LARS1: variants seen among roughly 807,000 people sequenced by gnomAD.
LARS1 encodes leucine--tRNA ligase, cytoplasmic.
Under a neutral mutation model 162.8 loss-of-function variants are expected in LARS1, and 100 were observed. That is an observed-to-expected ratio of 0.61 (90% CI 0.52 to 0.73). The LOEUF is 0.73. Ranked by LOEUF, LARS1 falls within the 30% of genes least tolerant of loss-of-function variation. The pLI is 0.00. For missense variants in LARS1, 1,258 were observed against 1,408.9 expected, an observed-to-expected ratio of 0.89 and a Z score of 1.71; for synonymous variants, 457 against 462.8, an observed-to-expected ratio of 0.99 and a Z score of 0.16.
chr5:146,171,648 T>G (rs985459887), intron 4 of LARS1, among the ~76,000 whole-genome samples: 1 of 152,230 alleles, frequency 6.6e-6, no homozygotes, highest in African/African-American at 2.4e-5. Flanking sequence ...AGTTATTACC[T>G]AACTGTAATA....
At chr5:146,167,210 A>G (rs1754050592) in intron 5 of LARS1, among the ~76,000 whole-genome samples, 1 of 152,220 alleles carries the variant, frequency 6.6e-6, no homozygotes, top group African/African-American at 2.4e-5. Context: ...AGAAAAGGAC[A>G]TTAGTGAAAA....
chr5:146,174,123 T>A (rs1225758318), intron 2 of LARS1, among the ~76,000 whole-genome samples: 1 of 123,010 alleles, frequency 8.1e-6, no homozygotes, highest in Non-Finnish European at 1.6e-5. Flanking sequence ...GAGACTATAT[T>A]ACAGCAATTT....
intron 15 of LARS1, among the ~76,000 whole-genome samples, chr5:146,147,055 G>A (rs1432495351): frequency 6.6e-6 from 1 of 151,926 alleles, no homozygotes; most frequent in Non-Finnish European, 1.5e-5. Context: ...CTTCTGTAGG[G>A]AAATCTAACA....
chr5:146,144,634 ACAGAGC>A lies in LARS1; in HGVS notation c.1573_1578del (p.Ala525_Leu526del), dbSNP rs1221337964. 6.2e-7 allele frequency: 1 copy of A among 1,614,086 alleles called. No homozygotes were observed. The highest frequency in any genetic ancestry group is 2.2e-5 in the East Asian group (1 of 44,872). On this transcript the variant is annotated inframe_deletion, in exon 16 of 32. Coordinates refer to ENST00000394434, the MANE Select transcript of LARS1 (RefSeq NM_020117.11). The stretch of plus-strand genomic sequence containing the variant: ...CTATAAGAGACTAACCACTGGTCAC[ACAGAGC>A]CACAACACATTCATCTGACGACCTG...
chr5:146,120,293 C>G, intron 31 of LARS1, 78 bp downstream of exon 31: 1 of 1,479,370 alleles, frequency 6.8e-7, no homozygotes, highest in South Asian at 1.2e-5. Context: ...AAGCCGGTTT[C>G]TTTTCTTTTT....
intron 31 of LARS1, among the ~76,000 whole-genome samples, chr5:146,118,063 T>C (rs549971757): frequency 1.3e-3 from 205 of 152,304 alleles, no homozygotes; most frequent in Admixed American, 2.7e-3. Context: ...GAGATATCTG[T>C]ACTCCCATGT....
In LARS1 at chr5:146,159,388, C is replaced by A. The variant is rs763169385; in HGVS notation, c.771+19G>T. ...ATTAAGGATTATTATAATAGCTACT[C>A]TGTCTCACAAATAATCACCTCTCCA... is the stretch of plus-strand genomic sequence containing the variant. On this transcript the variant is annotated intron_variant, in intron 8 of 31. Coordinates refer to ENST00000394434, the MANE Select transcript of LARS1 (RefSeq NM_020117.11). 13 of 1,583,354 alleles carry A rather than the reference C, an allele frequency of 8.2e-6. No homozygotes were observed. Among genetic ancestry groups the A allele is most frequent in the Non-Finnish European group, 1.1e-5 (13 of 1,153,246 alleles).
chr5:146,123,766 TAAG>T (rs1429661281), intron 29 of LARS1, among the ~76,000 whole-genome samples: 4 of 151,936 alleles, frequency 2.6e-5, no homozygotes, highest in African/African-American at 9.7e-5. Context: ...ATATGTAAAT[TAAG>T]AATTGATGAA....
At chr5:146,166,214 G>GC (rs1389086892) in intron 5 of LARS1, among the ~76,000 whole-genome samples, 1 of 152,024 alleles carries the variant, frequency 6.6e-6, no homozygotes, top group African/African-American at 2.4e-5. Context: ...TACAAGCCTG[G>GC]AACAGCTTGT....
intron 21 of LARS1, among the ~76,000 whole-genome samples, chr5:146,139,345 C>CAA (rs977056105): frequency 1.3e-5 from 1 of 79,344 alleles, no homozygotes; most frequent in African/African-American, 5.5e-5. Context: ...TCCATCACAA[C>CAA]AAAAAAAAAA....
chr5:146,152,885 A>G (rs1458065893), intron 13 of LARS1, among the ~76,000 whole-genome samples: 1 of 152,254 alleles, frequency 6.6e-6, no homozygotes, highest in Non-Finnish European at 1.5e-5. Context: ...TTTTATCTTT[A>G]GAAGCCAGGA....
chr5:146,119,020 T>C (rs1751693712), intron 31 of LARS1, among the ~76,000 whole-genome samples: 1 of 152,170 alleles, frequency 6.6e-6, no homozygotes, highest in South Asian at 2.1e-4. Flanking sequence ...TTTATGGGTA[T>C]AATGTTCAAG....
intron 5 of LARS1, 80 bp from the exon 6 acceptor site, chr5:146,164,551 T>TA: frequency 7.5e-7 from 1 of 1,338,704 alleles, no homozygotes; most frequent in Non-Finnish European, 1.1e-6. Context: ...TTAATGAATG[T>TA]AATTTTTTTA....
Position 146,153,191 on chromosome 5 carries a change from C to T in LARS1, c.1267G>A (p.Val423Ile), listed in dbSNP as rs748085630. The T allele has an allele frequency of 3.7e-6, 6 of 1,613,014 alleles. No homozygotes were observed. Among genetic ancestry groups the T allele is most frequent in the Non-Finnish European group, 5.1e-6 (6 of 1,179,438 alleles). Residue 423 changes from valine to isoleucine, a missense_variant, in exon 13 of 32, where the codon GTC (valine) becomes ATC (isoleucine). Coordinates refer to ENST00000394434, the MANE Select transcript of LARS1 (RefSeq NM_020117.11). ...RAKYGIRDDM[V>I]LPFEPVPVIE... Reference sequence around the variant, plus strand: ...GTACTCACCGGCTCAAATGGCAAGACCATGTCATCTCTAATTCCATATTTT... The same window carrying T: ...GTACTCACCGGCTCAAATGGCAAGATCATGTCATCTCTAATTCCATATTTT...
chr5:146,136,567 G>A (rs1051889961), intron 21 of LARS1, among the ~76,000 whole-genome samples: 1 of 150,134 alleles, frequency 6.7e-6, no homozygotes, highest in Non-Finnish European at 1.5e-5. Flanking sequence ...TGCAACCTCC[G>A]CCTCCCTCGG....
At chr5:146,168,735 T>C (rs544788958) in intron 4 of LARS1, among the ~76,000 whole-genome samples, 22 of 152,164 alleles carry the variant, frequency 1.4e-4, no homozygotes, top group African/African-American at 5.3e-4. Flanking sequence ...ATCATGTACC[T>C]CAAAATTCAC....
chr5:146,133,212 G>C, intron 22 of LARS1, 131 bp from the exon 23 acceptor site: 1 of 646,120 alleles, frequency 1.5e-6, no homozygotes, highest in Non-Finnish European at 2.5e-6. Flanking sequence ...GACTGTCCTG[G>C]ATCAACAACA....
At chr5:146,152,995 T>C (rs1753360571) in intron 13 of LARS1, among the ~76,000 whole-genome samples, 179 bp downstream of exon 13, 1 of 152,256 alleles carries the variant, frequency 6.6e-6, no homozygotes, top group South Asian at 2.1e-4. Context: ...AAATGCTTGT[T>C]AGTTTTCCTT....
chr5:146,123,287 C>T (rs1751905215), intron 29 of LARS1, among the ~76,000 whole-genome samples: 1 of 151,892 alleles, frequency 6.6e-6, no homozygotes, highest in Admixed American at 6.6e-5. Flanking sequence ...TTCTAGAGCA[C>T]ATGACTTTTC....
Sources: gnomAD v4.1 joint callset for allele counts (sites outside exome capture counted in the v4.1 genomes callset) on GRCh38, gnomAD v4.1.1 for gene constraint, MANE v1.5 for transcripts, NCBI Gene and HGNC (gene_info 2026-07-23, HGNC 2026-07-21) for gene names.